Variants in FGFR1 observed in about 807,000 individuals in gnomAD.
The protein encoded by FGFR1 is FGFR1/PLAG1 fusion.
FGFR1 carries 18 observed loss-of-function variants against 93.7 expected under a neutral mutation model. The observed-to-expected ratio is 0.19, with a 90% CI of 0.13 to 0.28. FGFR1 has a LOEUF of 0.28. Ranked by LOEUF, FGFR1 falls within the 10% of genes least tolerant of loss-of-function variation. FGFR1 has a pLI of 1.00. For synonymous variants in FGFR1, 448 were observed against 429.3 expected, an observed-to-expected ratio of 1.04 and a Z score of -0.54; for missense variants, 731 against 1,080.4, an observed-to-expected ratio of 0.68 and a Z score of 4.53.
chr8:38,436,512 G>A (rs1457388395), intron 2 of FGFR1, among the ~76,000 whole-genome samples: 1 of 152,178 alleles, frequency 6.6e-6, no homozygotes, highest in African/African-American at 2.4e-5. Flanking sequence ...AACTCAGGCT[G>A]CTGATCTCAT....
In FGFR1 at chr8:38,460,656, C is replaced by T. The variant is rs1006589260; in HGVS notation, c.-88-3122G>A. On this transcript the variant is annotated intron_variant, in intron 1 of 17. Coordinates refer to ENST00000447712, the MANE Select transcript of FGFR1 (RefSeq NM_023110.3). Reference sequence around the variant, plus strand: ...CTCTTCCTCTCCTACCCCTCTGGCCCTCAAGTTTGACATCTGTAAAACAAG... The same window carrying T: ...CTCTTCCTCTCCTACCCCTCTGGCCTTCAAGTTTGACATCTGTAAAACAAG... Among the ~76,000 whole-genome samples, 5 of 152,164 alleles carry T rather than the reference C, an allele frequency of 3.3e-5. No homozygotes were observed. The East Asian group carries it at 9.6e-4, about 29-fold the overall frequency.
chr8:38,435,293 C>A (rs1004943285), intron 2 of FGFR1: 1 of 152,198 alleles, frequency 6.6e-6, no homozygotes, highest in African/African-American at 2.4e-5. Flanking sequence ...CCAGAGACTA[C>A]TCAGTAAGTC....
In FGFR1 at chr8:38,424,620, G is replaced by T. The variant is rs1314424523; in HGVS notation, c.825C>A (p.Phe275Leu). 1 of 1,614,148 alleles carries T rather than the reference G, an allele frequency of 6.2e-7. No homozygotes were observed. The highest frequency in any genetic ancestry group is 1.3e-5 in the African/African-American group (1 of 75,062). ...KTVALGSNVE[F>L]MCKVYSDPQP... is the part of the protein sequence containing the mutation. ...GCGGGTCACTGTACACCTTACACAT[G>T]AACTCCACGTTGCTACCCAGGGCCA... The change falls in exon 7 of 18, where the codon TTC (phenylalanine) becomes TTA (leucine). Residue 275 changes from phenylalanine (F) to leucine (L), a missense_variant. Physicochemically the swap from Phe to Leu is conservative, Grantham distance 22. Transcript: ENST00000447712. This position sits in a 1 kb window ranked among gnomAD's most constrained non-coding sequence, Gnocchi z 4.3.
chr8:38,434,582 A>C (rs774970019), intron 2 of FGFR1: 1 of 259,276 alleles, frequency 3.9e-6, no homozygotes, highest in Non-Finnish European at 7.8e-6. Context: ...CAGGCATTCA[A>C]ACTGGTCCCT....
At chr8:38,423,662 TAAA>T (rs1209840278) in intron 7 of FGFR1, 17 of 115,068 alleles carry the variant, frequency 1.5e-4, no homozygotes, top group South Asian at 8.3e-4. Flanking sequence ...AGCATTTGAT[TAAA>T]AAAAAAAAAA....
At chr8:38,465,605 G>A (rs1182044810) in intron 1 of FGFR1, 1 of 225,804 alleles carries the variant, frequency 4.4e-6, no homozygotes, top group Non-Finnish European at 8.8e-6. Flanking sequence ...TCATTAGGGA[G>A]GCAGGCCATC....
At chr8:38,461,150 G>A (rs888269321) in intron 1 of FGFR1, 1 of 1,535,946 alleles carries the variant, frequency 6.5e-7, no homozygotes, top group Non-Finnish European at 8.7e-7. Flanking sequence ...GGGTGAAAGT[G>A]CCTGCTGTCT....
chr8:38,426,049 ACACCCCGG>A lies in FGFR1; in HGVS notation c.745+65_745+72del. Reference sequence around the variant, plus strand: ...CTGACTCTGCCCCTAAGAAACCTGGACACCCCGGCTGTGTTCTCCAAGCCTGGCTCTTC... The same window carrying A: ...CTGACTCTGCCCCTAAGAAACCTGGACTGTGTTCTCCAAGCCTGGCTCTTC... On this transcript the variant is annotated intron_variant, in intron 6 of 17. Transcript: ENST00000447712. The surrounding 1 kb of genome is among the most constrained non-coding windows in gnomAD (Gnocchi z 4.1). The A allele has an allele frequency of 6.2e-7, 1 of 1,609,014 alleles. No homozygotes were observed. The highest frequency in any genetic ancestry group is 8.5e-7 in the Non-Finnish European group (1 of 1,177,524).
In FGFR1 at chr8:38,429,528, G is replaced by C. The variant is rs968255912; in HGVS notation, c.358+154C>G. On this transcript the variant is annotated intron_variant, in intron 3 of 17. Coordinates refer to ENST00000447712, the MANE Select transcript of FGFR1 (RefSeq NM_023110.3). This position sits in a 1 kb window ranked among gnomAD's most constrained non-coding sequence, Gnocchi z 4.4. ...CACCTCTCTGAGAGCCAAGCCACGC[G>C]GCAGGCAGGGAGCAATGTTAGTGGG... The C allele has an allele frequency of 6.6e-6, 6 of 910,808 alleles. No homozygotes were observed. The highest frequency in any genetic ancestry group is 1.0e-5 in the Non-Finnish European group (6 of 587,152). 56.4% of individuals were successfully genotyped at this position (910,808 alleles called of 1,614,324 possible).
rs771680156 is a variant in FGFR1 at position 38,413,671 on chromosome 8, C to T, written c.2426G>A (p.Arg809Gln). 30 of 1,613,310 alleles carry T rather than the reference C, an allele frequency of 1.9e-5. No homozygotes were observed. Among genetic ancestry groups the T allele is most frequent in the Middle Eastern group, 1.7e-4 (1 of 6,002 alleles). The change falls in exon 18 of 18, where the codon CGA (arginine) becomes CAA (glutamine). Residue 809 changes from arginine (R) to glutamine (Q), a missense_variant. By Grantham distance (43) the Arg-to-Gln change is conservative (BLOSUM62 1). This residue lies in a region of FGFR1 where 79 missense variants were observed against 97.2 expected (regional missense o/e 0.81). Transcript: ENST00000447712. This position sits in a 1 kb window ranked among gnomAD's most constrained non-coding sequence, Gnocchi z 4.2. ...EPLPEEPCLP[R>Q]HPAQLANGGL... ...GCCATTGGCAAGCTGGGCTGGGTGT[C>T]GGGGCAGGCAGGGCTCCTCGGGCAG...
At chr8:38,464,008 G>A (rs1834977266) in intron 1 of FGFR1, among the ~76,000 whole-genome samples, 1 of 151,854 alleles carries the variant, frequency 6.6e-6, no homozygotes, top group Admixed American at 6.6e-5. Flanking sequence ...GGAAGTAAGA[G>A]ACATATAAAA....
At chr8:38,415,568 G>A (rs565081506) in intron 13 of FGFR1, among the ~76,000 whole-genome samples, 2 of 151,774 alleles carry the variant, frequency 1.3e-5, no homozygotes, top group East Asian at 1.9e-4. Flanking sequence ...ACTGCACCCA[G>A]CTGATATTAT....
rs764187571 is a variant in FGFR1 at position 38,424,605 on chromosome 8, G to A, written c.840C>T (p.Tyr280=). 9 of 1,614,148 alleles carry A rather than the reference G, an allele frequency of 5.6e-6. No homozygotes were observed. In the South Asian group the frequency reaches 7.7e-5, roughly 14 times the overall value. The change falls in exon 7 of 18, where the codon TAC becomes TAT. Residue 280 remains tyrosine (Y), a synonymous_variant. Transcript: ENST00000447712. This position sits in a 1 kb window ranked among gnomAD's most constrained non-coding sequence, Gnocchi z 4.3. ...GSNVEFMCKV[Y]SDPQPHIQWL... ...ACTGGATGTGCGGCTGCGGGTCACTGTACACCTTACACATGAACTCCACGT... is the reference window on the plus strand; with the variant it reads ...ACTGGATGTGCGGCTGCGGGTCACTATACACCTTACACATGAACTCCACGT...
rs1322623050 is a variant in FGFR1, at chr8:38,424,092, T to TG, written c.936+416dup. 4 of 325,428 alleles carry TG rather than the reference T, an allele frequency of 1.2e-5. No individual in the cohort carries two copies. The highest frequency in any genetic ancestry group is 8.5e-5 in the African/African-American group (4 of 46,910). The allele number at this position is 325,428 out of a possible 1,614,324, so 20.2% of individuals were successfully genotyped here. On this transcript the variant is annotated intron_variant, in intron 7 of 17. Transcript: ENST00000447712. This position sits in a 1 kb window ranked among gnomAD's most constrained non-coding sequence, Gnocchi z 4.3. Reference sequence around the variant, plus strand: ...TGTTTTTCCAACTCTTCGTAAGAGATGCTCTTATCATGCACCCCATTTGCC... The same window carrying TG: ...TGTTTTTCCAACTCTTCGTAAGAGATGGCTCTTATCATGCACCCCATTTGCC...
intron 2 of FGFR1, chr8:38,440,359 G>C (rs1399979185): frequency 1.3e-6 from 2 of 1,599,754 alleles, no homozygotes; most frequent in Non-Finnish European, 1.7e-6. Flanking sequence ...GAAATCCCGG[G>C]TCACAGCTGC....
chr8:38,416,129 AC>A (rs1816486956), intron 12 of FGFR1, 69 bp from the exon 13 acceptor site: 4 of 1,402,912 alleles, frequency 2.9e-6, no homozygotes, highest in Non-Finnish European at 3.9e-6. Flanking sequence ...CCTCAAAGAA[AC>A]CCCACCCCCA....
chr8:38,447,843 T>C (rs1392660671), intron 2 of FGFR1, among the ~76,000 whole-genome samples: 2 of 152,168 alleles, frequency 1.3e-5, no homozygotes, highest in African/African-American at 2.4e-5. Flanking sequence ...ATATTTGGTA[T>C]AGTGATGTAA....
intron 2 of FGFR1, among the ~76,000 whole-genome samples, chr8:38,446,400 A>G (rs1971106): frequency 1 from 150,869 of 151,466 alleles, 75,144 homozygotes; most frequent in Middle Eastern, 1. Context: ...TAGTAGAAAC[A>G]GGGTTTCACC....
At chr8:38,461,251 CACTTCTA>C (rs1834341428) in intron 1 of FGFR1, 1 of 850,940 alleles carries the variant, frequency 1.2e-6, no homozygotes, top group African/African-American at 1.7e-5. Flanking sequence ...GAAGCTCTCC[CACTTCTA>C]AGAGAAAAAC....
Sources: gnomAD v4.1 joint callset for allele counts (sites outside exome capture counted in the v4.1 genomes callset) on GRCh38, gnomAD v4.1.1 for gene constraint, gnomAD v4.1.1 regional missense constraint, Gnocchi (gnomAD v3.1) non-coding constraint, MANE v1.5 for transcripts, NCBI Gene and HGNC (gene_info 2026-07-23, HGNC 2026-07-21) for gene names.